ICA1L: variants seen among roughly 807,000 people sequenced by gnomAD.
ICA1L encodes the protein islet cell autoantigen 1-like protein.
In ICA1L, 50 loss-of-function variants were observed where a neutral mutation model predicts 61.3. The observed-to-expected ratio is 0.82, with a 90% CI of 0.65 to 1.03. The LOEUF (loss-of-function observed/expected upper bound fraction) is 1.03. Ranked by LOEUF, ICA1L falls within the 50% of genes least tolerant of loss-of-function variation. ICA1L has a pLI of 0.00. For synonymous variants in ICA1L, 161 were observed against 191.3 expected (o/e 0.84, Z 1.31); for missense variants, 508 against 556.7 (o/e 0.91, Z 0.88).
At chr2:202,840,324 C>A in intron 1 of ICA1L, 1 of 472,574 alleles carries the variant, frequency 2.1e-6, no homozygotes, top group Non-Finnish European at 4.2e-6. Context: ...GGAGCTGCTG[C>A]AGCTGTTCAC....
At chr2:202,818,488 G>A (rs1693605186) in intron 5 of ICA1L, among the ~76,000 whole-genome samples, 1 of 152,162 alleles carries the variant, frequency 6.6e-6, no homozygotes, top group South Asian at 2.1e-4. Flanking sequence ...GGTTTTTAGG[G>A]TCCAGATAGG....
chr2:202,795,013 A>AG (rs1307388133), intron 10 of ICA1L, among the ~76,000 whole-genome samples: 8 of 150,984 alleles, frequency 5.3e-5, no homozygotes, highest in African/African-American at 1.9e-4. Context: ...AATAATAAAA[A>AG]AAAAAGGAGG....
Position 202,789,603 on chromosome 2 carries a change from AAAC to A in ICA1L, c.986-519_986-517del, listed in dbSNP as rs1559127876. On this transcript the variant is annotated intron_variant, in intron 10 of 12. Transcript: ENST00000358299. ...TGTGTTCTTAAAGTAGGAACATTAC[AAAC>A]AACATGCTCTGATCATAATGCAATA... 2.0e-5 allele frequency among the ~76,000 whole-genome samples: 3 copies of A among 152,238 alleles called. No individual in the cohort carries two copies. The East Asian group carries it at 5.8e-4, about 29-fold the overall frequency.
intron 11 of ICA1L, among the ~76,000 whole-genome samples, chr2:202,788,417 ACT>A (rs1254564273): frequency 6.6e-6 from 1 of 151,782 alleles, no homozygotes; most frequent in Non-Finnish European, 1.5e-5. Flanking sequence ...AGGATGGTGG[ACT>A]CTCTTCTCCT....
chr2:202,868,956 A>C (rs1445836916), intron 1 of ICA1L, among the ~76,000 whole-genome samples: 1 of 152,016 alleles, frequency 6.6e-6, no homozygotes, highest in African/African-American at 2.4e-5. Flanking sequence ...TGACAGAGCA[A>C]GACTCTGTCT....
intron 9 of ICA1L, among the ~76,000 whole-genome samples, chr2:202,806,604 C>T (rs1380821884): frequency 6.6e-6 from 1 of 151,386 alleles, no homozygotes; most frequent in Non-Finnish European, 1.5e-5. Flanking sequence ...CATGATTGCA[C>T]CACTGCACTC....
At chr2:202,834,871 C>T (rs1694105462) in intron 1 of ICA1L, among the ~76,000 whole-genome samples, 1 of 151,928 alleles carries the variant, frequency 6.6e-6, no homozygotes, top group Non-Finnish European at 1.5e-5. Context: ...CACTCTGTTG[C>T]CTGGGTTAGA....
At position 202,773,743 on chromosome 2, in the gene ICA1L, T is replaced by C; in HGVS notation, c.*5790A>G. The C allele has an allele frequency of 3.1e-6, 4 of 1,300,830 alleles. No homozygotes were observed. The highest frequency in any genetic ancestry group is 4.4e-6 in the Non-Finnish European group (4 of 899,186). The allele number at this position is 1,300,830 out of a possible 1,614,324, so 80.6% of individuals were successfully genotyped here. On this transcript the variant is annotated 3_prime_UTR_variant, in exon 13 of 13. Transcript: ENST00000358299. Reference sequence around the variant, plus strand: ...CATCAGTTATGCATGAAGAGTTTAATAACCATCCAGGTCCAAAGGTGGAAG... The same window carrying C: ...CATCAGTTATGCATGAAGAGTTTAACAACCATCCAGGTCCAAAGGTGGAAG...
intron 1 of ICA1L, among the ~76,000 whole-genome samples, chr2:202,868,652 T>C (rs1412882162): frequency 6.6e-6 from 1 of 152,172 alleles, no homozygotes; most frequent in African/African-American, 2.4e-5. Flanking sequence ...ATGTAGTATA[T>C]TCATATGACA....
intron 9 of ICA1L, among the ~76,000 whole-genome samples, chr2:202,804,089 A>G (rs1281371446): frequency 6.6e-6 from 1 of 152,202 alleles, no homozygotes; most frequent in Non-Finnish European, 1.5e-5. Context: ...ACATGCTCAC[A>G]GGCACGTAGT....
intron 9 of ICA1L, among the ~76,000 whole-genome samples, chr2:202,797,729 C>A (rs1692973647): frequency 6.6e-6 from 1 of 152,216 alleles, no homozygotes; most frequent in African/African-American, 2.4e-5. Flanking sequence ...GCCATGTTGG[C>A]CAGGCTGATC....
intron 1 of ICA1L, among the ~76,000 whole-genome samples, chr2:202,859,639 T>C (rs1343710301): frequency 6.6e-6 from 1 of 152,238 alleles, no homozygotes; most frequent in African/African-American, 2.4e-5. Flanking sequence ...AGCAGGTAAG[T>C]TACCCACAGA....
intron 1 of ICA1L, among the ~76,000 whole-genome samples, chr2:202,870,114 G>A (rs1445633427): frequency 6.6e-6 from 1 of 152,132 alleles, no homozygotes; most frequent in East Asian, 1.9e-4. Flanking sequence ...CAGAAAAAAT[G>A]TAAATATAGA....
At chr2:202,827,018 T>G (rs896291486) in intron 2 of ICA1L, among the ~76,000 whole-genome samples, 6 of 152,152 alleles carry the variant, frequency 3.9e-5, no homozygotes, top group African/African-American at 1.4e-4. Flanking sequence ...CCTTATGAGT[T>G]TAGACATGTT....
intron 1 of ICA1L, among the ~76,000 whole-genome samples, chr2:202,850,728 G>A (rs1401772388): frequency 6.6e-6 from 1 of 152,114 alleles, no homozygotes; most frequent in Admixed American, 6.6e-5. Context: ...GGATATTATC[G>A]AGGAGAACTT....
intron 9 of ICA1L, among the ~76,000 whole-genome samples, chr2:202,804,025 A>T (rs1172491947): frequency 6.6e-6 from 1 of 152,064 alleles, no homozygotes; most frequent in African/African-American, 2.4e-5. Flanking sequence ...ACTTCCTTCA[A>T]GCCTCCTTGC....
intron 10 of ICA1L, among the ~76,000 whole-genome samples, chr2:202,790,570 G>GT (rs1221224139): frequency 6.6e-6 from 1 of 152,166 alleles, no homozygotes; most frequent in Non-Finnish European, 1.5e-5. Flanking sequence ...CCCAGGAGGA[G>GT]TAAGATGCCA....
At chr2:202,802,186 G>A (rs1265385394) in intron 9 of ICA1L, among the ~76,000 whole-genome samples, 1 of 152,114 alleles carries the variant, frequency 6.6e-6, no homozygotes, top group African/African-American at 2.4e-5. Flanking sequence ...AAGAATCCTC[G>A]ATGTATACAT....
chr2:202,845,028 C>T (rs1334361464), intron 1 of ICA1L, among the ~76,000 whole-genome samples: 9 of 152,164 alleles, frequency 5.9e-5, no homozygotes, highest in Non-Finnish European at 1.2e-4. Flanking sequence ...TAATCTTTCT[C>T]TAATTCTATA....
Sources: allele counts gnomAD v4.1 joint callset (sites outside exome capture counted in the v4.1 genomes callset), GRCh38; gene constraint gnomAD v4.1.1; transcripts MANE v1.5; gene names NCBI Gene and HGNC (gene_info 2026-07-23, HGNC 2026-07-21).